ITGAM: variants seen among roughly 807,000 people sequenced by gnomAD.
ITGAM encodes the protein integrin subunit alpha M.
In ITGAM, 79 loss-of-function variants were observed where a neutral mutation model predicts 137.5. That is an observed-to-expected ratio of 0.57 (90% confidence interval 0.48 to 0.69). ITGAM has a LOEUF of 0.69. Ranked by LOEUF, ITGAM falls within the 30% of genes least tolerant of loss-of-function variation. ITGAM has a pLI of 0.00. For missense variants in ITGAM, 1,343 were observed against 1,483.5 expected (o/e 0.91, Z 1.56); for synonymous variants, 583 against 592.3 (o/e 0.98, Z 0.23).
intron 14 of ITGAM, 66 bp from the exon 15 acceptor site, chr16:31,321,175 G>T: frequency 6.3e-7 from 1 of 1,576,642 alleles, no homozygotes; most frequent in South Asian, 1.1e-5. Context: ...CATGCTGGAT[G>T]ACTGAGTTAT....
chr16:31,285,104 C>T (rs910802740), intron 12 of ITGAM, among the ~76,000 whole-genome samples: 5 of 151,936 alleles, frequency 3.3e-5, no homozygotes, highest in Non-Finnish European at 5.9e-5. Context: ...GGGTCGTGAT[C>T]GATTGAGCAA....
At chr16:31,330,801 G>A (rs1045771953) in intron 28 of ITGAM, among the ~76,000 whole-genome samples, 196 bp downstream of exon 28, 1 of 80,960 alleles carries the variant, frequency 1.2e-5, no homozygotes, top group African/African-American at 5.0e-5. Context: ...AACAGACACA[G>A]AGACAGACAA....
chr16:31,304,331 ATTTG>A (rs1300515735), intron 14 of ITGAM, among the ~76,000 whole-genome samples: 1 of 151,228 alleles, frequency 6.6e-6, no homozygotes, highest in African/African-American at 2.4e-5. Context: ...TTCCTTGCTG[ATTTG>A]TTTGAGTTCC....
rs2079700615 is a variant in ITGAM, at chr16:31,261,685, C to T, written c.29-7C>T. 6.3e-7 allele frequency: 1 copy of T among 1,594,296 alleles called. No individual in the cohort carries two copies. Among genetic ancestry groups the T allele is most frequent in the South Asian group, 1.1e-5 (1 of 89,364 alleles). The stretch of plus-strand genomic sequence containing the variant: ...TCTGCTTGATCCTTCCCCCATTCTC[C>T]CTTTAGCCTTGACCTTATGTCATGG... On this transcript the variant is annotated splice_polypyrimidine_tract_variant and splice_region_variant and intron_variant, in intron 1 of 29. Transcript: ENST00000544665.
intron 11 of ITGAM, among the ~76,000 whole-genome samples, chr16:31,277,724 C>T (rs1162873744): frequency 2.6e-5 from 4 of 152,082 alleles, no homozygotes; most frequent in Non-Finnish European, 5.9e-5. Flanking sequence ...AACTCCTGAC[C>T]TCAGGTGATC....
chr16:31,285,634 C>T, intron 12 of ITGAM, among the ~76,000 whole-genome samples: 1 of 151,818 alleles, frequency 6.6e-6, no homozygotes, highest in Non-Finnish European at 1.5e-5. Context: ...GAGACTTCAT[C>T]TCAATTAAAA....
At chr16:31,313,207 A>G (rs983909343) in intron 14 of ITGAM, among the ~76,000 whole-genome samples, 7 of 151,818 alleles carry the variant, frequency 4.6e-5, no homozygotes, top group African/African-American at 1.7e-4. Context: ...ACAGAGCGAG[A>G]CTCCGTCTCA....
chr16:31,276,476 C>T lies in ITGAM; in HGVS notation c.1010-195C>T, dbSNP rs563967956. On this transcript the variant is annotated intron_variant, in intron 9 of 29. Transcript: ENST00000544665. ...CCTCCTGAGTAGCTGGGATTACAGG[C>T]GCATACCACCACGCCCAGCTAATTT... Among the ~76,000 whole-genome samples the T allele has an allele frequency of 1.2e-4, 19 of 152,116 alleles. No individual in the cohort carries two copies. In the East Asian group the frequency reaches 3.1e-3, roughly 25 times the overall value.
intron 12 of ITGAM, among the ~76,000 whole-genome samples, chr16:31,283,339 G>T (rs1354136607): frequency 6.6e-6 from 1 of 152,194 alleles, no homozygotes; most frequent in Admixed American, 6.5e-5. Context: ...CATTCGCCCT[G>T]TCACTTTCAG....
intron 28 of ITGAM, 28 bp downstream of exon 28, chr16:31,330,633 T>A (rs1426745358): frequency 2.6e-6 from 4 of 1,524,664 alleles, no homozygotes; most frequent in Non-Finnish European, 3.6e-6. Flanking sequence ...TGAGGAACTA[T>A]TGGAGGGAGA....
Position 31,331,178 on chromosome 16 carries a change from T to G in ITGAM, c.3290T>G (p.Val1097Gly), listed in dbSNP as rs1400844861. 1 of 1,609,242 alleles carries G rather than the reference T, an allele frequency of 6.2e-7. No individual in the cohort carries two copies. Among genetic ancestry groups the G allele is most frequent in the Non-Finnish European group, 8.5e-7 (1 of 1,176,118 alleles). Reference sequence around the variant, plus strand: ...TTCCTCCCCCAGACGGAGACCAAAGTGGAGCCGTTCGAGGTCCCCAACCCC... The same window carrying G: ...TTCCTCCCCCAGACGGAGACCAAAGGGGAGCCGTTCGAGGTCCCCAACCCC... ...AFVRSQTETK[V>G]EPFEVPNPLP... The change falls in exon 29 of 30, where the codon GTG (valine) becomes GGG (glycine). Residue 1097 changes from valine (V) to glycine (G), a missense_variant. Transcript: ENST00000544665.
At chr16:31,288,390 T>C (rs1055084899) in intron 12 of ITGAM, among the ~76,000 whole-genome samples, 3 of 152,186 alleles carry the variant, frequency 2.0e-5, no homozygotes, top group Admixed American at 1.3e-4. Context: ...TTGTAAATTG[T>C]ACTGGTTTTT....
In ITGAM at chr16:31,330,147, C is replaced by T. The variant is rs1189664794; in HGVS notation, c.3043C>T (p.Arg1015Trp). The T allele has an allele frequency of 1.2e-6, 2 of 1,613,566 alleles. No individual in the cohort carries two copies. The highest frequency in any genetic ancestry group is 1.7e-5 in the Admixed American group (1 of 59,932). ...PSHSDFLAEL[R>W]KAPVVNCSIA... ...TCACTCCGACTTTCTGGCTGAGCTT[C>T]GGAAGGCCCCCGTGGTGGTGAGAAG... Residue 1015 changes from arginine (R) to tryptophan (W), a missense_variant, in exon 26 of 30, where the codon CGG becomes TGG. By Grantham distance (101) the Arg-to-Trp change is moderately radical (BLOSUM62 -3). Transcript: ENST00000544665.
At position 31,271,098 on chromosome 16, in the gene ITGAM, G is replaced by T; in HGVS notation, c.558+14G>T. 6.5e-7 allele frequency: 1 copy of T among 1,543,184 alleles called. No homozygotes were observed. Among genetic ancestry groups the T allele is most frequent in the Admixed American group, 1.8e-5 (1 of 55,618 alleles). ...TCCAAAACCTTGGTGAGGGCCCAGGGGTAGGTTAGGGAAGAGCCCACACGG... is the reference window on the plus strand; with the variant it reads ...TCCAAAACCTTGGTGAGGGCCCAGGTGTAGGTTAGGGAAGAGCCCACACGG... On this transcript the variant is annotated intron_variant, in intron 6 of 29. Coordinates refer to ENST00000544665, the MANE Select transcript of ITGAM (RefSeq NM_000632.4).
intron 7 of ITGAM, 100 bp from the exon 8 acceptor site, chr16:31,273,265 C>T (rs1269525034): frequency 9.4e-7 from 1 of 1,062,486 alleles, no homozygotes; most frequent in African/African-American, 1.6e-5. Flanking sequence ...CTCTGCACTC[C>T]AGCCTGGATA....
intron 16 of ITGAM, 105 bp downstream of exon 16, chr16:31,321,732 A>C: frequency 8.2e-5 from 95 of 1,161,002 alleles, no homozygotes; most frequent in Non-Finnish European, 1.1e-4. Flanking sequence ...CTGAGTTCTC[A>C]CAGGCTCTGA....
intron 12 of ITGAM, among the ~76,000 whole-genome samples, chr16:31,282,061 T>G (rs1180297114): frequency 1.3e-5 from 2 of 152,250 alleles, no homozygotes; most frequent in Non-Finnish European, 2.9e-5. Context: ...AGTTCTAGTT[T>G]GATTGCACTG....
intron 16 of ITGAM, among the ~76,000 whole-genome samples, chr16:31,322,598 T>C (rs1043242050): frequency 6.6e-6 from 1 of 152,176 alleles, no homozygotes; most frequent in Non-Finnish European, 1.5e-5. Flanking sequence ...CCTTGGTAAA[T>C]ACCTTGGTCT....
intron 12 of ITGAM, among the ~76,000 whole-genome samples, chr16:31,295,977 T>C (rs2080128651): frequency 1.3e-5 from 2 of 152,144 alleles, no homozygotes; most frequent in Non-Finnish European, 2.9e-5. Flanking sequence ...ATTGAGATGA[T>C]CATGTGGTTT....
Sources: gnomAD v4.1 joint callset for allele counts (sites outside exome capture counted in the v4.1 genomes callset) on GRCh38, gnomAD v4.1.1 for gene constraint, MANE v1.5 for transcripts, NCBI Gene and HGNC (gene_info 2026-07-23, HGNC 2026-07-21) for gene names.